AGBL4: variants seen among roughly 807,000 people sequenced by gnomAD.
AGBL4 encodes the protein cytosolic carboxypeptidase 6.
Under a neutral mutation model 66.4 loss-of-function variants are expected in AGBL4, and 58 were observed. That is an observed-to-expected ratio of 0.87 (90% confidence interval 0.71 to 1.09). The LOEUF is 1.09. AGBL4 is among the 50% of genes least tolerant of loss of function. AGBL4 has a pLI of 0.00. For missense variants in AGBL4, 579 were observed against 631.0 expected, an observed-to-expected ratio of 0.92 and a Z score of 0.88; for synonymous variants, 234 against 222.9, an observed-to-expected ratio of 1.05 and a Z score of -0.44.
intron 9 of AGBL4, among the ~76,000 whole-genome samples, chr1:48,607,263 G>A (rs957150711): frequency 6.6e-6 from 1 of 152,214 alleles, no homozygotes; most frequent in Non-Finnish European, 1.5e-5. Flanking sequence ...TAGCCACATT[G>A]TAGGTGCTCA....
At chr1:49,969,099 A>G (rs1440261772) in intron 1 of AGBL4, among the ~76,000 whole-genome samples, 1 of 152,236 alleles carries the variant, frequency 6.6e-6, no homozygotes, top group African/African-American at 2.4e-5. Flanking sequence ...ACAGTATTTG[A>G]ATTCGCAGAG....
chr1:49,399,431 T>C (rs1028327180), intron 3 of AGBL4, among the ~76,000 whole-genome samples: 17 of 152,188 alleles, frequency 1.1e-4, no homozygotes, highest in African/African-American at 4.1e-4. Flanking sequence ...TTGTTCTCCA[T>C]AGTGGTTGTA....
At chr1:50,003,592 G>GA (rs1256480930) in intron 1 of AGBL4, among the ~76,000 whole-genome samples, 1 of 152,136 alleles carries the variant, frequency 6.6e-6, no homozygotes, top group African/African-American at 2.4e-5. Context: ...ATGAATTTTA[G>GA]AACTGAAATC....
At chr1:49,617,291 GT>G (rs769780198) in intron 3 of AGBL4, among the ~76,000 whole-genome samples, 5 of 152,176 alleles carry the variant, frequency 3.3e-5, no homozygotes, top group East Asian at 1.9e-4. Context: ...AGCCCTGCAG[GT>G]GGTTCATCTT....
At chr1:48,547,063 C>T (rs1644175488) in intron 11 of AGBL4, among the ~76,000 whole-genome samples, 1 of 151,864 alleles carries the variant, frequency 6.6e-6, no homozygotes, top group Non-Finnish European at 1.5e-5. Flanking sequence ...GAAGGGTCCT[C>T]GGGTGAGAGA....
chr1:49,599,697 G>A (rs1644917544), intron 3 of AGBL4, among the ~76,000 whole-genome samples: 1 of 152,022 alleles, frequency 6.6e-6, no homozygotes. Context: ...TCTTTTAATT[G>A]TGATGTTAAG....
rs147009685 is a variant in AGBL4 at position 48,909,536 on chromosome 1, C to T, written c.595-42306G>A. 1.5e-3 allele frequency among the ~76,000 whole-genome samples: 224 copies of T among 152,302 alleles called. 1 individual carries two copies. The highest frequency in any genetic ancestry group is 5.1e-3 in the African/African-American group (213 of 41,580). ...GAGGAATGCAAAACCTCTTCAGACA[C>T]ACCATTGTTGAAGACTGCAATTAGA... On this transcript the variant is annotated intron_variant, in intron 5 of 13. Transcript: ENST00000371839.
At chr1:49,067,838 T>C (rs1305735863) in intron 4 of AGBL4, among the ~76,000 whole-genome samples, 1 of 152,170 alleles carries the variant, frequency 6.6e-6, no homozygotes, top group Admixed American at 6.5e-5. Flanking sequence ...ACATGTGCCA[T>C]GTTCGTTTGC....
intron 1 of AGBL4, among the ~76,000 whole-genome samples, chr1:50,000,956 G>C (rs1660704830): frequency 6.6e-6 from 1 of 152,126 alleles, no homozygotes; most frequent in African/African-American, 2.4e-5. Context: ...ATTGGGTACA[G>C]AGTATGCTGC....
intron 1 of AGBL4, among the ~76,000 whole-genome samples, chr1:49,900,456 GC>G (rs1242629127): frequency 1.3e-5 from 2 of 152,018 alleles, no homozygotes; most frequent in African/African-American, 4.8e-5. Flanking sequence ...CGTTGGTCAG[GC>G]TGGTCTTGAA....
At chr1:48,599,079 C>T (rs922183432) in intron 9 of AGBL4, among the ~76,000 whole-genome samples, 2 of 152,054 alleles carry the variant, frequency 1.3e-5, no homozygotes, top group African/African-American at 2.4e-5. Context: ...TCATCAACAT[C>T]GCTGTCTTCC....
intron 2 of AGBL4, among the ~76,000 whole-genome samples, chr1:49,763,869 A>C (rs1652525928): frequency 1.3e-5 from 2 of 152,138 alleles, no homozygotes; most frequent in Admixed American, 1.3e-4. Flanking sequence ...CATCCCTAGG[A>C]TAGAGGCCAC....
chr1:49,991,418 G>A lies in AGBL4; in HGVS notation c.34+32345C>T, dbSNP rs1039259269. Among the ~76,000 whole-genome samples the A allele has an allele frequency of 3.3e-5, 5 of 152,082 alleles. No homozygotes were observed. The South Asian group carries it at 8.3e-4, about 25-fold the overall frequency. ...AATCACTTCTAAAAACAAATATATT[G>A]CAATCTTTATAATAATCAGATTTTG... is the stretch of plus-strand genomic sequence containing the variant. On this transcript the variant is annotated intron_variant, in intron 1 of 13. Transcript: ENST00000371839.
chr1:49,648,148 A>C (rs1003550278), intron 3 of AGBL4, among the ~76,000 whole-genome samples: 4 of 152,136 alleles, frequency 2.6e-5, no homozygotes, highest in Non-Finnish European at 5.9e-5. Flanking sequence ...TGGGCAATAC[A>C]GGCAGAGATA....
intron 3 of AGBL4, among the ~76,000 whole-genome samples, chr1:49,525,926 A>G (rs987608777): frequency 2.6e-5 from 4 of 151,726 alleles, no homozygotes. Context: ...TCTCTACTAA[A>G]AAAAAAATAC....
At chr1:48,983,049 G>T (rs2148967488) in intron 5 of AGBL4, among the ~76,000 whole-genome samples, 1 of 152,192 alleles carries the variant, frequency 6.6e-6, no homozygotes. Context: ...TTAAAATTTT[G>T]AAATATAAGT....
chr1:48,673,591 C>T (rs1334364495), intron 6 of AGBL4, among the ~76,000 whole-genome samples: 3 of 152,040 alleles, frequency 2.0e-5, no homozygotes, highest in Admixed American at 6.6e-5. Context: ...TAATTTTTTT[C>T]TCTCTCTCAA....
At chr1:49,085,926 C>G (rs1387980227) in intron 4 of AGBL4, among the ~76,000 whole-genome samples, 2 of 152,152 alleles carry the variant, frequency 1.3e-5, no homozygotes, top group Non-Finnish European at 1.5e-5. Flanking sequence ...CAGAGCAGAT[C>G]AGCGTTGGTG....
intron 8 of AGBL4, among the ~76,000 whole-genome samples, chr1:48,645,453 A>C (rs1645820712): frequency 6.6e-6 from 1 of 152,198 alleles, no homozygotes; most frequent in African/African-American, 2.4e-5. Context: ...GCTTAGCAGA[A>C]ATGCAAGTGG....
Sources: gnomAD v4.1 joint callset for allele counts (sites outside exome capture counted in the v4.1 genomes callset) on GRCh38, gnomAD v4.1.1 for gene constraint, MANE v1.5 for transcripts, NCBI Gene and HGNC (gene_info 2026-07-23, HGNC 2026-07-21) for gene names.